CEP112: variants seen among roughly 807,000 people sequenced by gnomAD.
The protein encoded by CEP112 is centrosomal protein 112.
Under a neutral mutation model 153.0 loss-of-function variants are expected in CEP112, and 127 were observed. That is an observed-to-expected ratio of 0.83 (90% CI 0.72 to 0.96). CEP112 has a LOEUF of 0.96. Ranked by LOEUF, CEP112 falls within the 40% of genes least tolerant of loss-of-function variation. The pLI is 0.00. For synonymous variants in CEP112, 358 were observed against 374.4 expected (o/e 0.96, Z 0.51); for missense variants, 1,089 against 1,101.2 (o/e 0.99, Z 0.16).
At chr17:65,817,445 T>G (rs1473067770) in intron 21 of CEP112, among the ~76,000 whole-genome samples, 1 of 151,936 alleles carries the variant, frequency 6.6e-6, no homozygotes, top group East Asian at 1.9e-4. Context: ...TCTTTCCTTC[T>G]TGCAAGATCA....
chr17:66,059,974 A>G (rs1305116135), intron 11 of CEP112, among the ~76,000 whole-genome samples: 1 of 152,206 alleles, frequency 6.6e-6, no homozygotes, highest in Non-Finnish European at 1.5e-5. Flanking sequence ...CCATAAAAAA[A>G]TGAAATCATG....
chr17:66,068,236 T>C (rs1318391549), intron 9 of CEP112, among the ~76,000 whole-genome samples: 2 of 152,198 alleles, frequency 1.3e-5, no homozygotes, highest in African/African-American at 2.4e-5. Context: ...ACTTTTCTTA[T>C]GGCTGGGGTA....
chr17:65,962,644 C>T (rs1169492484), intron 17 of CEP112, among the ~76,000 whole-genome samples: 1 of 152,188 alleles, frequency 6.6e-6, no homozygotes, highest in Non-Finnish European at 1.5e-5. Context: ...TTGTAGCTCC[C>T]ATAATTCCCA....
intron 19 of CEP112, among the ~76,000 whole-genome samples, chr17:65,920,029 A>G (rs527546158): frequency 6.6e-6 from 1 of 152,092 alleles, no homozygotes; most frequent in East Asian, 2.0e-4. Flanking sequence ...GATGAAAACA[A>G]TAAACAGTGT....
intron 17 of CEP112, among the ~76,000 whole-genome samples, chr17:65,987,240 A>G (rs935141): frequency 0.59 from 88,850 of 151,878 alleles, 27,379 homozygotes; most frequent in African/African-American, 0.72. Context: ...TTAAAAGGGG[A>G]TATGATTAAG....
intron 17 of CEP112, among the ~76,000 whole-genome samples, chr17:65,971,465 C>A (rs1161017107): frequency 9.9e-6 from 1 of 100,614 alleles, no homozygotes; most frequent in South Asian, 5.1e-4. Context: ...ATATCACACA[C>A]ATGTATCATG....
intron 23 of CEP112, among the ~76,000 whole-genome samples, chr17:65,690,113 CAAAAAAAA>C (rs67399289): frequency 4.8e-5 from 3 of 62,584 alleles, no homozygotes; most frequent in African/African-American, 1.2e-4. Context: ...GAAAACAGAC[CAAAAAAAA>C]AAAAAAAAAA....
intron 16 of CEP112, among the ~76,000 whole-genome samples, chr17:66,009,089 T>C (rs2064397126): frequency 6.6e-6 from 1 of 152,174 alleles, no homozygotes; most frequent in Non-Finnish European, 1.5e-5. Context: ...TATTTTTAAT[T>C]TTTTGAGATA....
At chr17:65,971,116 T>C (rs2062754979) in intron 17 of CEP112, among the ~76,000 whole-genome samples, 1 of 152,182 alleles carries the variant, frequency 6.6e-6, no homozygotes. Context: ...GCATGTTCCT[T>C]GCGTGTATGA....
In CEP112 at chr17:65,863,599, CA is replaced by C. The variant is rs35971829; in HGVS notation, c.2164-11566del. On this transcript the variant is annotated intron_variant, in intron 20 of 26. Coordinates refer to ENST00000535342, the MANE Select transcript of CEP112 (RefSeq NM_001199165.4). The stretch of plus-strand genomic sequence containing the variant: ...TGAAACCCCGTCTCTACTAAAAATA[CA>C]AAAAAAAAATTAGCCGGGTGCAGTG... Among the ~76,000 whole-genome samples the C allele has an allele frequency of 8.6e-4, 127 of 147,376 alleles. 1 individual carries two copies. The highest frequency in any genetic ancestry group is 3.1e-3 in the African/African-American group (125 of 40,122).
chr17:65,636,872 A>G (rs1473353436), intron 26 of CEP112: 6 of 415,978 alleles, frequency 1.4e-5, no homozygotes, highest in Non-Finnish European at 2.1e-5. Flanking sequence ...TTGGCCTCCC[A>G]AAGTGCTGGG....
chr17:66,150,389 C>A (rs2071154550), intron 4 of CEP112, among the ~76,000 whole-genome samples: 1 of 151,770 alleles, frequency 6.6e-6, no homozygotes, highest in African/African-American at 2.4e-5. Context: ...TTTTACAATA[C>A]AAAATACAGT....
At chr17:66,084,949 C>G (rs185187540) in intron 8 of CEP112, among the ~76,000 whole-genome samples, 3 of 152,058 alleles carry the variant, frequency 2.0e-5, no homozygotes, top group African/African-American at 7.2e-5. Flanking sequence ...CTACTATGTA[C>G]GCACAAAAAT....
At chr17:65,768,772 A>T (rs7220733) in intron 21 of CEP112, among the ~76,000 whole-genome samples, 70,421 of 151,872 alleles carry the variant, frequency 0.46, 17,899 homozygotes, top group East Asian at 0.78. Context: ...TAGATACAGA[A>T]GGAAAGTTCT....
At chr17:65,690,631 C>T (rs232125) in intron 23 of CEP112, among the ~76,000 whole-genome samples, 71,616 of 151,568 alleles carry the variant, frequency 0.47, 17,203 homozygotes, top group Middle Eastern at 0.56. Context: ...CCCAGCTGGG[C>T]GAAGACCTGA....
At chr17:65,779,038 T>C (rs904933886) in intron 21 of CEP112, among the ~76,000 whole-genome samples, 19 of 152,108 alleles carry the variant, frequency 1.2e-4, no homozygotes, top group African/African-American at 4.6e-4. Context: ...GGTAAACAAT[T>C]TGTTTTATAT....
chr17:65,743,087 T>C lies in CEP112; in HGVS notation c.2588A>G (p.Asp863Gly). Reference protein sequence around the residue: ...FEDEKKQLIRDNDQAIKVLQD... With the variant: ...FEDEKKQLIRGNDQAIKVLQD... ...GATTACCTTGATTGCTTGGTCATTA[T>C]CTCTAATCAGCTGCTTCTTCTCATC... is the stretch of plus-strand genomic sequence containing the variant. The change falls in exon 23 of 27, where the codon GAT (aspartate) becomes GGT (glycine). Residue 863 changes from aspartate (D) to glycine (G), a missense_variant. Coordinates refer to ENST00000535342, the MANE Select transcript of CEP112 (RefSeq NM_001199165.4). 6.2e-7 allele frequency: 1 copy of C among 1,610,650 alleles called. No homozygotes were observed. Among genetic ancestry groups the C allele is most frequent in the Non-Finnish European group, 8.5e-7 (1 of 1,178,810 alleles).
chr17:65,921,534 T>C (rs1389212637), intron 19 of CEP112, among the ~76,000 whole-genome samples: 2 of 152,204 alleles, frequency 1.3e-5, no homozygotes, highest in Non-Finnish European at 2.9e-5. Context: ...CTTTCCTTAG[T>C]GAACTACCAC....
At chr17:65,833,524 T>G (rs1205523683) in intron 21 of CEP112, among the ~76,000 whole-genome samples, 2 of 152,154 alleles carry the variant, frequency 1.3e-5, no homozygotes, top group Non-Finnish European at 2.9e-5. Flanking sequence ...GTAAAATCAA[T>G]GTACTAAAAT....
Sources: allele counts gnomAD v4.1 joint callset (sites outside exome capture counted in the v4.1 genomes callset), GRCh38; gene constraint gnomAD v4.1.1; transcripts MANE v1.5; gene names NCBI Gene and HGNC (gene_info 2026-07-23, HGNC 2026-07-21).